The following CDS1 variants were observed in gnomAD, a reference collection of about 807,000 sequenced individuals.
CDS1 encodes CDP-diacylglycerol synthase 1.
A neutral mutation model predicts 62.1 loss-of-function variants in CDS1; 41 were observed. That is an observed-to-expected ratio of 0.66 (90% CI 0.51 to 0.86). CDS1 has a LOEUF of 0.86. CDS1 is among the 40% of genes least tolerant of loss of function. The probability of loss-of-function intolerance (pLI) is 0.00; values close to 1 mark genes in which losing one functional copy is unlikely to be tolerated. For synonymous variants in CDS1, 185 were observed against 192.6 expected (o/e 0.96, Z 0.32); for missense variants, 470 against 550.1 (o/e 0.85, Z 1.46).
At chr4:84,631,781 A>AC (rs764336767) in intron 5 of CDS1, 38 bp from the exon 6 acceptor site, 21 of 1,569,290 alleles carry the variant, frequency 1.3e-5, no homozygotes, top group Non-Finnish European at 1.8e-5. Context: ...CTTTGTACCA[A>AC]ATTGTACAAC....
At chr4:84,591,480 G>A (rs1039610994) in intron 1 of CDS1, among the ~76,000 whole-genome samples, 12 of 152,092 alleles carry the variant, frequency 7.9e-5, no homozygotes, top group Admixed American at 4.6e-4. Flanking sequence ...GAAAAGAGGT[G>A]GTGTCAGGAT....
intron 5 of CDS1, among the ~76,000 whole-genome samples, chr4:84,622,947 C>A (rs1218238087): frequency 6.6e-6 from 1 of 152,126 alleles, no homozygotes; most frequent in Non-Finnish European, 1.5e-5. Context: ...TTTTGTTTTT[C>A]CCGAACTTGA....
intron 1 of CDS1, among the ~76,000 whole-genome samples, chr4:84,603,409 CA>C (rs1722996094): frequency 1.3e-5 from 2 of 152,114 alleles, no homozygotes; most frequent in Admixed American, 6.5e-5. Flanking sequence ...TGAAGGTTGC[CA>C]GGGTAGGATG....
intron 6 of CDS1, among the ~76,000 whole-genome samples, chr4:84,632,270 G>A (rs995069390): frequency 3.3e-5 from 5 of 152,080 alleles, no homozygotes; most frequent in African/African-American, 7.2e-5. Flanking sequence ...GCATAAAGCA[G>A]CAGAGCATGT....
intron 5 of CDS1, among the ~76,000 whole-genome samples, chr4:84,623,031 G>A (rs1323742618): frequency 2.0e-5 from 3 of 152,006 alleles, no homozygotes; most frequent in Non-Finnish European, 4.4e-5. Context: ...CTTTAGGTTT[G>A]ACCCATGTCT....
At chr4:84,644,055 T>C (rs756028270) in intron 11 of CDS1, among the ~76,000 whole-genome samples, 52 of 152,048 alleles carry the variant, frequency 3.4e-4, no homozygotes, top group Non-Finnish European at 6.3e-4. Context: ...GCAAGAACAG[T>C]GTGGCTGTGG....
intron 2 of CDS1, among the ~76,000 whole-genome samples, chr4:84,604,833 G>A (rs1360176006): frequency 3.9e-5 from 6 of 151,906 alleles, no homozygotes; most frequent in Non-Finnish European, 7.4e-5. Flanking sequence ...GCCCAGGTTG[G>A]TCTTAAACTC....
chr4:84,609,896 A>G (rs1367642733), intron 3 of CDS1, among the ~76,000 whole-genome samples: 3 of 151,982 alleles, frequency 2.0e-5, no homozygotes, highest in East Asian at 1.9e-4. Flanking sequence ...GTTCACGCCT[A>G]TAGTCCCAGC....
intron 1 of CDS1, among the ~76,000 whole-genome samples, chr4:84,585,024 G>A (rs1722372765): frequency 6.6e-6 from 1 of 152,148 alleles, no homozygotes; most frequent in Non-Finnish European, 1.5e-5. Context: ...TCCTTAACTC[G>A]ACAAAGCTAA....
intron 1 of CDS1, among the ~76,000 whole-genome samples, chr4:84,588,583 G>A (rs1351084388): frequency 3.9e-5 from 6 of 152,100 alleles, no homozygotes; most frequent in African/African-American, 1.4e-4. Context: ...GTGTGCAGGG[G>A]GTTAGAGAAT....
chr4:84,633,325 T>C lies in CDS1; in HGVS notation c.640-532T>C, dbSNP rs146722278. On this transcript the variant is annotated intron_variant, in intron 6 of 12. Transcript: ENST00000295887. ...ATTGAATACTGTCATTGAACAGACC[T>C]GTCACGATCACCCTTCAAGTATGAA... Among the ~76,000 whole-genome samples the C allele has an allele frequency of 1.7e-3, 254 of 152,342 alleles. 1 individual carries two copies. Among genetic ancestry groups the C allele is most frequent in the African/African-American group, 5.4e-3 (226 of 41,568 alleles).
In CDS1 at chr4:84,619,482, C is replaced by G. The variant is rs1275053906; in HGVS notation, c.529C>G (p.Gln177Glu). ...ATTTGTTCAAAGAGAAGAACAACTT[C>G]AGTTCCTCATTCGCTACCATAGATT... Reference protein sequence around the residue: ...ATFVQREEQLQFLIRYHRFIS... With the variant: ...ATFVQREEQLEFLIRYHRFIS... Residue 177 changes from glutamine (Q) to glutamate (E), a missense_variant, in exon 5 of 13, where the codon CAG becomes GAG. Transcript: ENST00000295887. 8.1e-6 allele frequency: 13 copies of G among 1,604,248 alleles called. No homozygotes were observed. The East Asian group carries it at 2.7e-4, about 33-fold the overall frequency.
At position 84,589,956 on chromosome 4, in the gene CDS1, A is replaced by G. The variant is rs557154592; in HGVS notation, c.117+6438A>G. Among the ~76,000 whole-genome samples, 388 of 152,184 alleles carry G rather than the reference A, an allele frequency of 2.5e-3. 5 individuals are homozygous for G. The highest frequency in any genetic ancestry group is 5.8e-3 in the South Asian group (28 of 4,822). On this transcript the variant is annotated intron_variant, in intron 1 of 12. Coordinates refer to ENST00000295887, the MANE Select transcript of CDS1 (RefSeq NM_001263.4). ...CTCCGACGTAGCTGGGACTACAGGCACCCGCCACCACGCCTGGCTAATTTT... is the reference window on the plus strand; with the variant it reads ...CTCCGACGTAGCTGGGACTACAGGCGCCCGCCACCACGCCTGGCTAATTTT...
intron 1 of CDS1, among the ~76,000 whole-genome samples, chr4:84,602,796 C>G (rs1271437138): frequency 2.0e-5 from 3 of 152,070 alleles, no homozygotes; most frequent in African/African-American, 4.8e-5. Flanking sequence ...AAGGGATGTT[C>G]TATCTGGTTG....
intron 3 of CDS1, among the ~76,000 whole-genome samples, chr4:84,614,797 A>G (rs1723435874): frequency 2.0e-5 from 3 of 152,258 alleles, no homozygotes; most frequent in South Asian, 4.1e-4. Flanking sequence ...TGATATGTCT[A>G]AAGAATAAAG....
intron 9 of CDS1, among the ~76,000 whole-genome samples, chr4:84,640,549 G>C (rs1436740317): frequency 2.6e-5 from 4 of 152,048 alleles, no homozygotes; most frequent in Non-Finnish European, 4.4e-5. Context: ...CTTGTGTGCA[G>C]TATACTTCAG....
chr4:84,637,612 G>A (rs914848038), intron 8 of CDS1, among the ~76,000 whole-genome samples: 3 of 152,154 alleles, frequency 2.0e-5, no homozygotes, highest in Non-Finnish European at 4.4e-5. Flanking sequence ...ACAAGTGGAC[G>A]TGACATTTGG....
chr4:84,589,093 A>G (rs1722502895), intron 1 of CDS1, among the ~76,000 whole-genome samples: 1 of 152,168 alleles, frequency 6.6e-6, no homozygotes, highest in Non-Finnish European at 1.5e-5. Flanking sequence ...TCACTGTTAC[A>G]GTTTTTGTAA....
At position 84,613,393 on chromosome 4, in the gene CDS1, G is replaced by T. The variant is rs375148774; in HGVS notation, c.342+3868G>T. Among the ~76,000 whole-genome samples the T allele has an allele frequency of 3.5e-3, 540 of 152,180 alleles. 2 individuals are homozygous for T. Among genetic ancestry groups the T allele is most frequent in the African/African-American group, 0.013 (521 of 41,514 alleles). ...GGAGGGTAAGGCGGGCAGATTGCTT[G>T]AGGTCAGAAGTTCAAGACCAGCCTG... is the stretch of plus-strand genomic sequence containing the variant. On this transcript the variant is annotated intron_variant, in intron 3 of 12. Transcript: ENST00000295887.
Sources: gnomAD v4.1 joint callset for allele counts (sites outside exome capture counted in the v4.1 genomes callset) on GRCh38, gnomAD v4.1.1 for gene constraint, MANE v1.5 for transcripts, NCBI Gene and HGNC (gene_info 2026-07-23, HGNC 2026-07-21) for gene names.